GLB1L2: variants seen among roughly 807,000 people sequenced by gnomAD.
GLB1L2 encodes galactosidase beta 1 like 2.
A neutral mutation model predicts 84.1 loss-of-function variants in GLB1L2; 68 were observed. The observed-to-expected ratio is 0.81, with a 90% CI of 0.67 to 0.99. The LOEUF is 0.99. GLB1L2 is among the 50% of genes least tolerant of loss of function. GLB1L2 has a pLI of 0.00. For synonymous variants in GLB1L2, 290 were observed against 318.0 expected, an observed-to-expected ratio of 0.91 and a Z score of 0.94; for missense variants, 762 against 805.6, an observed-to-expected ratio of 0.95 and a Z score of 0.66.
intron 7 of GLB1L2, chr11:134,359,712 C>T (rs1943756072): frequency 6.6e-6 from 1 of 152,372 alleles, no homozygotes; most frequent in Non-Finnish European, 1.5e-5. Context: ...CGCCAGGCAT[C>T]TCTGTCACAC....
intron 2 of GLB1L2, 144 bp from the exon 3 acceptor site, chr11:134,344,243 A>G: frequency 1.0e-6 from 1 of 977,708 alleles, no homozygotes; most frequent in East Asian, 2.4e-5. Context: ...AGATCAGTTC[A>G]CTTAGTTCTT....
In GLB1L2 at chr11:134,372,088, C is replaced by T. The variant is rs374792104; in HGVS notation, c.1507+258C>T. 3.9e-5 allele frequency among the ~76,000 whole-genome samples: 6 copies of T among 152,330 alleles called. No individual in the cohort carries two copies. The East Asian group carries it at 1.2e-3, about 29-fold the overall frequency. On this transcript the variant is annotated intron_variant, in intron 15 of 18. Transcript: ENST00000535456. ...TGTGAACACTGAGCTGGCCTCTTGT[C>T]TCCCCTGGGCTGCAGTCGGTTTCTG...
chr11:134,336,491 A>G (rs995195873), intron 1 of GLB1L2, among the ~76,000 whole-genome samples: 11 of 152,238 alleles, frequency 7.2e-5, no homozygotes, highest in African/African-American at 2.7e-4. Flanking sequence ...ACTGATGGAC[A>G]TCGATTGTTT....
intron 5 of GLB1L2, 181 bp from the exon 6 acceptor site, chr11:134,356,120 T>C (rs980536751): frequency 1.4e-6 from 1 of 710,112 alleles, no homozygotes; most frequent in Non-Finnish European, 2.6e-6. Context: ...AGTTGTTTTC[T>C]TGATGTTTTC....
Position 134,354,686 on chromosome 11 carries a change from A to G in GLB1L2, c.559-1615A>G, listed in dbSNP as rs149899232. 7.7e-3 allele frequency among the ~76,000 whole-genome samples: 1,175 copies of G among 152,244 alleles called. 16 individuals carry two copies. Among genetic ancestry groups the G allele is most frequent in the African/African-American group, 0.027 (1,123 of 41,542 alleles). On this transcript the variant is annotated intron_variant, in intron 5 of 18. Transcript: ENST00000535456. ...TTCCTTTCAGCACTTTGACTATATC[A>G]TCTCATTGCCTTCTGGCCTGAAAAT... is the stretch of plus-strand genomic sequence containing the variant.
chr11:134,362,823 C>CAT (rs1474599261), intron 7 of GLB1L2, among the ~76,000 whole-genome samples: 1 of 152,180 alleles, frequency 6.6e-6, no homozygotes, highest in African/African-American at 2.4e-5. Context: ...CCTCCCATCT[C>CAT]ATGGTGACCA....
At chr11:134,345,954 G>A (rs1212861425) in intron 4 of GLB1L2, among the ~76,000 whole-genome samples, 1 of 152,206 alleles carries the variant, frequency 6.6e-6, no homozygotes, top group African/African-American at 2.4e-5. Flanking sequence ...AATCTGGACA[G>A]GAATCAGCTG....
At position 134,342,737 on chromosome 11, in the gene GLB1L2, T is replaced by C. The variant is rs1278655856; in HGVS notation, c.87-17T>C. On this transcript the variant is annotated splice_polypyrimidine_tract_variant and intron_variant, in intron 1 of 18. Transcript: ENST00000535456. The stretch of plus-strand genomic sequence containing the variant: ...GGCCCGGAGCCTCCAGGCTCCAGAA[T>C]GTCTTTGTCTTTCCAGGCTGGACTG... 1 of 1,609,230 alleles carries C rather than the reference T, an allele frequency of 6.2e-7. No homozygotes were observed. Among genetic ancestry groups the C allele is most frequent in the Non-Finnish European group, 8.5e-7 (1 of 1,177,480 alleles).
In GLB1L2 at chr11:134,370,244, G is replaced by A. The variant is rs200654241; in HGVS notation, c.1109-49G>A. On this transcript the variant is annotated intron_variant, in intron 11 of 18. Coordinates refer to ENST00000535456, the MANE Select transcript of GLB1L2 (RefSeq NM_001370461.1). The surrounding 1 kb of genome is among the most constrained non-coding windows in gnomAD (Gnocchi z 4.7). ...GGAGCCGGGTGGGGAGGACGAGCAGGCAGTGACATTTGGGTCCGTTGGGGG... is the reference window on the plus strand; with the variant it reads ...GGAGCCGGGTGGGGAGGACGAGCAGACAGTGACATTTGGGTCCGTTGGGGG... The A allele has an allele frequency of 1.3e-6, 2 of 1,485,574 alleles. No individual in the cohort carries two copies. Among genetic ancestry groups the A allele is most frequent in the East Asian group, 2.3e-5 (1 of 44,202 alleles). The allele number at this position is 1,485,574 out of a possible 1,614,324, so 92.0% of individuals were successfully genotyped here.
At chr11:134,360,997 C>CA (rs1943777889) in intron 7 of GLB1L2, 1 of 152,022 alleles carries the variant, frequency 6.6e-6, no homozygotes, top group African/African-American at 2.4e-5. Context: ...ACTGAAAATA[C>CA]AAAAAATTAG....
intron 9 of GLB1L2, among the ~76,000 whole-genome samples, chr11:134,368,064 G>C (rs566655496): frequency 6.6e-6 from 1 of 152,024 alleles, no homozygotes; most frequent in Non-Finnish European, 1.5e-5. Flanking sequence ...CTGCTGAATG[G>C]GTGCACCCAT....
chr11:134,370,997 T>C lies in GLB1L2; in HGVS notation c.1216-11T>C. ...TGAGCCTGCCCACCCCTCCATCTCT[T>C]CTGTACGCAGCCAATCAAGTCTGAA... On this transcript the variant is annotated splice_polypyrimidine_tract_variant and intron_variant, in intron 12 of 18. Coordinates refer to ENST00000535456, the MANE Select transcript of GLB1L2 (RefSeq NM_001370461.1). The surrounding 1 kb of genome is among the most constrained non-coding windows in gnomAD (Gnocchi z 4.7). 1 of 1,613,928 alleles carries C rather than the reference T, an allele frequency of 6.2e-7. No homozygotes were observed. The highest frequency in any genetic ancestry group is 1.3e-5 in the African/African-American group (1 of 74,996).
chr11:134,342,364 C>T (rs1565433861), intron 1 of GLB1L2, among the ~76,000 whole-genome samples: 2 of 152,224 alleles, frequency 1.3e-5, no homozygotes, highest in East Asian at 3.9e-4. Flanking sequence ...TGCCGGGGCT[C>T]GGAGGTACCG....
chr11:134,333,625 G>A (rs535992896), intron 1 of GLB1L2, among the ~76,000 whole-genome samples: 5 of 152,294 alleles, frequency 3.3e-5, no homozygotes, highest in African/African-American at 9.6e-5. Flanking sequence ...AAAGGTATGC[G>A]AAGGAGGCTG....
At chr11:134,342,605 G>A in intron 1 of GLB1L2, 149 bp from the exon 2 acceptor site, 2 of 752,260 alleles carry the variant, frequency 2.7e-6, no homozygotes, top group Non-Finnish European at 4.2e-6. Flanking sequence ...CCCCTTCCCA[G>A]GTCTGGCTGA....
At chr11:134,367,903 C>CCATCCCGGCGAG (rs909700622) in intron 9 of GLB1L2, among the ~76,000 whole-genome samples, 9 of 152,330 alleles carry the variant, frequency 5.9e-5, no homozygotes, top group Non-Finnish European at 8.8e-5. Flanking sequence ...TAAGCGCACG[C>CCATCCCGGCGAG]CATCCCGGCG....
chr11:134,364,010 TG>T (rs1240967669), intron 7 of GLB1L2, among the ~76,000 whole-genome samples: 1 of 152,168 alleles, frequency 6.6e-6, no homozygotes, highest in African/African-American at 2.4e-5. Context: ...CCCAAGTAGT[TG>T]GGATTACAGG....
At chr11:134,373,937 TG>T (rs1943990964) in intron 16 of GLB1L2, 129 bp downstream of exon 16, 1 of 788,940 alleles carries the variant, frequency 1.3e-6, no homozygotes, top group Non-Finnish European at 2.1e-6. Flanking sequence ...CCAGATCGGC[TG>T]GCCGAGGTGA....
intron 5 of GLB1L2, among the ~76,000 whole-genome samples, chr11:134,352,894 C>T (rs1019207426): frequency 3.9e-5 from 6 of 151,952 alleles, no homozygotes; most frequent in Non-Finnish European, 7.4e-5. Context: ...GTGATCCGCC[C>T]GCCTTGGCCT....
Sources: gnomAD v4.1 joint callset for allele counts (sites outside exome capture counted in the v4.1 genomes callset) on GRCh38, gnomAD v4.1.1 for gene constraint, Gnocchi (gnomAD v3.1) non-coding constraint, MANE v1.5 for transcripts, NCBI Gene and HGNC (gene_info 2026-07-23, HGNC 2026-07-21) for gene names.